SLX4IP: variants seen among roughly 807,000 people sequenced by gnomAD.
SLX4IP encodes SLX4 interacting protein.
SLX4IP carries 34 observed loss-of-function variants against 32.9 expected under a neutral mutation model. The observed-to-expected ratio is 1.03, with a 90% CI of 0.79 to 1.38. SLX4IP has a LOEUF of 1.38. Ranked by LOEUF, SLX4IP falls within the 40% of genes most tolerant of loss-of-function variation. The probability of loss-of-function intolerance (pLI) is 0.00; values close to 1 mark genes in which losing one functional copy is unlikely to be tolerated. For synonymous variants in SLX4IP, 172 were observed against 171.7 expected (o/e 1.00, Z -0.01); for missense variants, 444 against 479.0 (o/e 0.93, Z 0.68).
chr20:10,469,485 T>G (rs2065406376), intron 2 of SLX4IP, among the ~76,000 whole-genome samples: 1 of 152,190 alleles, frequency 6.6e-6, no homozygotes, highest in African/African-American at 2.4e-5. Context: ...TTCAGTATAA[T>G]GGTTTTGATT....
chr20:10,554,545 A>G lies in SLX4IP; in HGVS notation c.28-1686A>G, dbSNP rs1344993937. Among the ~76,000 whole-genome samples, 6 of 152,238 alleles carry G rather than the reference A, an allele frequency of 3.9e-5. No individual in the cohort carries two copies. The South Asian group carries it at 8.3e-4, about 21-fold the overall frequency. The stretch of plus-strand genomic sequence containing the variant: ...TGCCAGAGTGGTTAGACCATCTTAC[A>G]TTTCCACTGGGAAAGTATGAGAGTC... On this transcript the variant is annotated intron_variant, in intron 2 of 7. Transcript: ENST00000334534.
At chr20:10,530,554 A>T (rs1243847121) in intron 2 of SLX4IP, among the ~76,000 whole-genome samples, 2 of 152,222 alleles carry the variant, frequency 1.3e-5, no homozygotes, top group African/African-American at 4.8e-5. Flanking sequence ...CTTGGTGAGA[A>T]GCTCCCTGAC....
intron 2 of SLX4IP, among the ~76,000 whole-genome samples, chr20:10,501,766 C>T (rs1465268994): frequency 6.6e-6 from 1 of 152,186 alleles, no homozygotes; most frequent in African/African-American, 2.4e-5. Flanking sequence ...TTGTTGTGGC[C>T]ATGAAGAAAA....
At chr20:10,533,194 G>GA (rs1453333336) in intron 2 of SLX4IP, among the ~76,000 whole-genome samples, 1 of 152,112 alleles carries the variant, frequency 6.6e-6, no homozygotes, top group African/African-American at 2.4e-5. Context: ...ACTTTGAAAT[G>GA]AAAAGAAGTT....
chr20:10,614,066 G>C, intron 6 of SLX4IP: 1 of 1,542,140 alleles, frequency 6.5e-7, no homozygotes, highest in Non-Finnish European at 8.9e-7. Context: ...CGTCCTCCTT[G>C]TCGCCCTCGC....
intron 2 of SLX4IP, among the ~76,000 whole-genome samples, chr20:10,471,835 T>A (rs1328364782): frequency 6.6e-6 from 1 of 152,172 alleles, no homozygotes; most frequent in Non-Finnish European, 1.5e-5. Context: ...ACTCACATGT[T>A]TAGTTCTTCT....
At chr20:10,599,928 G>A (rs745429852) in intron 5 of SLX4IP, among the ~76,000 whole-genome samples, 7 of 152,058 alleles carry the variant, frequency 4.6e-5, no homozygotes, top group Non-Finnish European at 8.8e-5. Flanking sequence ...TCTGCCATTC[G>A]AACATTGTTA....
intron 2 of SLX4IP, among the ~76,000 whole-genome samples, chr20:10,496,427 C>G (rs1192129328): frequency 6.6e-6 from 1 of 152,106 alleles, no homozygotes. Flanking sequence ...ATACTCAATG[C>G]AAGTAGCAGA....
intron 5 of SLX4IP, among the ~76,000 whole-genome samples, chr20:10,599,353 G>A (rs891993995): frequency 6.6e-6 from 1 of 152,114 alleles, no homozygotes; most frequent in Admixed American, 6.5e-5. Flanking sequence ...AACATATAGA[G>A]GCTTGCTGTG....
rs200004663 is a variant in SLX4IP, at chr20:10,623,015, G to T, written c.863G>T (p.Arg288Leu). 1.9e-6 allele frequency: 3 copies of T among 1,614,160 alleles called. No individual in the cohort carries two copies. The South Asian group carries it at 3.3e-5, about 18-fold the overall frequency. Residue 288 changes from arginine (R) to leucine (L), a missense_variant, in exon 8 of 8, where the codon CGA (arginine) becomes CTA (leucine). Arg to Leu is a moderately radical substitution (Grantham distance 102, BLOSUM62 -2). Transcript: ENST00000334534. Reference sequence around the variant, plus strand: ...TCACCATGTCCAAAACAAAGTCCACGAGTGGCCAAAACCCAACAGAAACGC... The same window carrying T: ...TCACCATGTCCAAAACAAAGTCCACTAGTGGCCAAAACCCAACAGAAACGC... ...SASPCPKQSPRVAKTQQKRRN... is the reference protein window; with the variant it reads ...SASPCPKQSPLVAKTQQKRRN...
chr20:10,567,696 T>A (rs1940073124), intron 4 of SLX4IP, among the ~76,000 whole-genome samples: 1 of 152,254 alleles, frequency 6.6e-6, no homozygotes, highest in Non-Finnish European at 1.5e-5. Flanking sequence ...CAAATATTTA[T>A]GTCACCAGTT....
At chr20:10,497,609 A>C (rs1427735122) in intron 2 of SLX4IP, among the ~76,000 whole-genome samples, 2 of 151,960 alleles carry the variant, frequency 1.3e-5, no homozygotes, top group Non-Finnish European at 2.9e-5. Flanking sequence ...TATCAGCATT[A>C]TCTCTTTCTG....
chr20:10,489,153 C>T (rs637688), intron 2 of SLX4IP, among the ~76,000 whole-genome samples: 59,485 of 152,032 alleles, frequency 0.39, 11,857 homozygotes, highest in Non-Finnish European at 0.43. Flanking sequence ...AGCCTGGAAT[C>T]GTGAAGTGTA....
chr20:10,597,930 A>C (rs79877771), intron 4 of SLX4IP, among the ~76,000 whole-genome samples: 3,694 of 152,280 alleles, frequency 0.024, 101 homozygotes, highest in Admixed American at 0.089. Context: ...TATTTCTTTT[A>C]ATCTCATTCT....
intron 4 of SLX4IP, among the ~76,000 whole-genome samples, chr20:10,562,497 C>G (rs1368156239): frequency 6.6e-6 from 1 of 152,032 alleles, no homozygotes; most frequent in Non-Finnish European, 1.5e-5. Flanking sequence ...GTCCAGCCGC[C>G]TGTGTGTGTG....
At chr20:10,523,637 G>A (rs776284034) in intron 2 of SLX4IP, among the ~76,000 whole-genome samples, 3 of 152,156 alleles carry the variant, frequency 2.0e-5, no homozygotes, top group Non-Finnish European at 1.5e-5. Flanking sequence ...CATCCTCCAC[G>A]GGGCCTGGCA....
intron 2 of SLX4IP, among the ~76,000 whole-genome samples, chr20:10,531,206 C>T (rs2065986260): frequency 6.6e-6 from 1 of 152,172 alleles, no homozygotes; most frequent in African/African-American, 2.4e-5. Context: ...GGGATCAGAC[C>T]CTCACCCCAC....
At chr20:10,540,977 T>G (rs554468022) in intron 2 of SLX4IP, among the ~76,000 whole-genome samples, 1 of 152,342 alleles carries the variant, frequency 6.6e-6, no homozygotes, top group South Asian at 2.1e-4. Context: ...TTTCCTGAGT[T>G]CTGAAGCAGA....
chr20:10,492,963 A>G (rs1168223379), intron 2 of SLX4IP, among the ~76,000 whole-genome samples: 3 of 147,906 alleles, frequency 2.0e-5, no homozygotes, highest in Non-Finnish European at 3.0e-5. Context: ...TTACTGTAAC[A>G]TTATCACAAG....
Sources: gnomAD v4.1 joint callset for allele counts (sites outside exome capture counted in the v4.1 genomes callset) on GRCh38, gnomAD v4.1.1 for gene constraint, MANE v1.5 for transcripts, NCBI Gene and HGNC (gene_info 2026-07-23, HGNC 2026-07-21) for gene names.